The following LRRC37A2 variants were observed in gnomAD, a reference collection of about 807,000 sequenced individuals.
LRRC37A2 encodes the protein leucine-rich repeat-containing protein 37A2.
Under a neutral mutation model 68.8 loss-of-function variants are expected in LRRC37A2, and 9 were observed. The observed-to-expected ratio is 0.13, with a 90% CI of 0.08 to 0.23. The LOEUF is 0.23. LRRC37A2 is among the 10% of genes least tolerant of loss of function. LRRC37A2 has a pLI of 1.00. For synonymous variants in LRRC37A2, 63 were observed against 367.6 expected (o/e 0.17, Z 9.48); for missense variants, 168 against 950.4 (o/e 0.18, Z 10.82).
the LRRC37A2 span, among the ~76,000 whole-genome samples, chr17:46,856,305 G>A: frequency 6.6e-6 from 1 of 152,172 alleles, no homozygotes; most frequent in Non-Finnish European, 1.5e-5. Flanking sequence ...GGGCTGGATA[G>A]GGTGTCTGGC....
chr17:46,857,791 G>A, the LRRC37A2 span, among the ~76,000 whole-genome samples: 1 of 152,116 alleles, frequency 6.6e-6, no homozygotes, highest in Non-Finnish European at 1.5e-5. Flanking sequence ...ATCTCATTGT[G>A]GTTTTAATTT....
the LRRC37A2 span, chr17:46,932,076 C>G: frequency 7.1e-5 from 114 of 1,613,450 alleles, no homozygotes; most frequent in Non-Finnish European, 7.6e-6. Flanking sequence ...GTCGGGTTGA[C>G]CAGTTAAAGT....
the LRRC37A2 span, chr17:46,711,026 G>A: frequency 6.3e-7 from 1 of 1,593,128 alleles, no homozygotes; most frequent in South Asian, 1.2e-5. Flanking sequence ...CAAATGGGGT[G>A]ACCCAGTTAC....
chr17:46,679,865 GTGA>G, the LRRC37A2 span, among the ~76,000 whole-genome samples: 2 of 151,120 alleles, frequency 1.3e-5, no homozygotes, highest in Admixed American at 6.6e-5. Flanking sequence ...CAAAGACAAT[GTGA>G]TGATAATAAA....
intron 6 of LRRC37A2, among the ~76,000 whole-genome samples, chr17:46,526,509 A>G (rs1434765877): frequency 9.5e-6 from 1 of 105,298 alleles, no homozygotes; most frequent in Admixed American, 8.7e-5. Context: ...TTTTGTATTC[A>G]TAATTTTTTT....
At chr17:46,755,845 CAGTGACCAAGGGA>C in the LRRC37A2 span, 21 of 1,609,628 alleles carry the variant, frequency 1.3e-5, no homozygotes, top group Non-Finnish European at 1.7e-5. Flanking sequence ...TTGAAACACA[CAGTGACCAAGGGA>C]AGTGACCAAG....
chr17:46,742,473 T>C, the LRRC37A2 span, among the ~76,000 whole-genome samples: 15 of 152,238 alleles, frequency 9.9e-5, no homozygotes, highest in Non-Finnish European at 2.1e-4. Flanking sequence ...ACTTAAGTCC[T>C]GTCCTGATGA....
At chr17:46,553,059 C>T (rs1363100047) in intron 11 of LRRC37A2, among the ~76,000 whole-genome samples, 3 of 143,488 alleles carry the variant, frequency 2.1e-5, no homozygotes, top group Non-Finnish European at 3.0e-5. Flanking sequence ...TGCACTCCAG[C>T]GTAAGCAACA....
the LRRC37A2 span, chr17:46,875,275 C>A: frequency 6.2e-7 from 1 of 1,614,200 alleles, no homozygotes; most frequent in Non-Finnish European, 8.5e-7. Flanking sequence ...AAGTACAGCA[C>A]CAAGTTTCTG....
At chr17:46,828,261 A>G in the LRRC37A2 span, among the ~76,000 whole-genome samples, 3 of 151,642 alleles carry the variant, frequency 2.0e-5, no homozygotes, top group South Asian at 2.1e-4. Context: ...CAGCAGCACA[A>G]TTTTGGCTCA....
chr17:46,923,217 C>T, the LRRC37A2 span: 2 of 1,550,608 alleles, frequency 1.3e-6, no homozygotes, highest in East Asian at 4.9e-5. Context: ...CCAGCAAACG[C>T]ACAAGTGAGG....
downstream of LRRC37A2, among the ~76,000 whole-genome samples, chr17:46,558,582 A>T (rs1379009055): frequency 8.4e-6 from 1 of 119,052 alleles, no homozygotes; most frequent in Non-Finnish European, 1.7e-5. Context: ...TTCTAAAAAC[A>T]GTTTCACCAT....
chr17:46,744,859 GC>G, the LRRC37A2 span, among the ~76,000 whole-genome samples: 1 of 152,154 alleles, frequency 6.6e-6, no homozygotes, highest in Non-Finnish European at 1.5e-5. Context: ...CTGAGTTGCT[GC>G]TTATGGTACT....
the LRRC37A2 span, among the ~76,000 whole-genome samples, chr17:46,732,709 T>C: frequency 1.3e-5 from 2 of 152,208 alleles, no homozygotes; most frequent in Non-Finnish European, 2.9e-5. Context: ...AAAGCTTTTC[T>C]AAAATGGATT....
chr17:46,595,492 CTT>C, the LRRC37A2 span, among the ~76,000 whole-genome samples: 4 of 96,106 alleles, frequency 4.2e-5, no homozygotes, highest in Non-Finnish European at 1.8e-5. Context: ...ATCACTGGAT[CTT>C]TTTTTTTTTT....
chr17:46,703,698 A>AAAAAAAC, the LRRC37A2 span, among the ~76,000 whole-genome samples: 33 of 149,800 alleles, frequency 2.2e-4, no homozygotes, highest in African/African-American at 4.2e-4. Context: ...AAAAAAAAAA[A>AAAAAAAC]AAAAAACAAA....
chr17:47,029,024 C>T, the LRRC37A2 span, among the ~76,000 whole-genome samples: 1 of 151,866 alleles, frequency 6.6e-6, no homozygotes, highest in Non-Finnish European at 1.5e-5. Context: ...ACTAAAAATA[C>T]AAAAATTAGC....
chr17:46,917,815 A>C, the LRRC37A2 span, among the ~76,000 whole-genome samples: 1 of 152,358 alleles, frequency 6.6e-6, no homozygotes, highest in Admixed American at 6.5e-5. Context: ...GGTTCTGAAG[A>C]GTCATGGTAT....
the LRRC37A2 span, among the ~76,000 whole-genome samples, chr17:46,987,168 G>A: frequency 5.3e-5 from 8 of 152,228 alleles, no homozygotes; most frequent in Admixed American, 2.6e-4. Flanking sequence ...GCTTGAACTC[G>A]GGAGGCGGAG....
Sources: gnomAD v4.1 joint callset for allele counts (sites outside exome capture counted in the v4.1 genomes callset) on GRCh38, gnomAD v4.1.1 for gene constraint, MANE v1.5 for transcripts, NCBI Gene and HGNC (gene_info 2026-07-23, HGNC 2026-07-21) for gene names.